PRIMPOL: variants seen among roughly 807,000 people sequenced by gnomAD.
The protein encoded by PRIMPOL is primase and DNA directed polymerase, also known as DNA-directed primase/polymerase protein.
In PRIMPOL, 54 loss-of-function variants were observed where a neutral mutation model predicts 63.6. The ratio of observed to expected loss-of-function variants is 0.85; its 90% CI spans 0.68 to 1.07. The LOEUF is 1.07. Among genes scored for constraint, PRIMPOL ranks in the 50% least tolerant of loss-of-function variants. The pLI is 0.00. For synonymous variants in PRIMPOL, 197 were observed against 220.2 expected (o/e 0.89, Z 0.93); for missense variants, 610 against 648.3 (o/e 0.94, Z 0.64).
chr4:184,690,617 G>A (rs960096624), intron 11 of PRIMPOL, among the ~76,000 whole-genome samples: 20 of 152,002 alleles, frequency 1.3e-4, no homozygotes, highest in African/African-American at 2.2e-4. Context: ...CCCCCACCAC[G>A]CCCAGCTAAT....
At chr4:184,673,215 C>T (rs1316642380) in intron 7 of PRIMPOL, among the ~76,000 whole-genome samples, 13 of 150,970 alleles carry the variant, frequency 8.6e-5, no homozygotes, top group South Asian at 4.2e-4. Flanking sequence ...CTGCAAGCTC[C>T]GCCTCCCGGG....
chr4:184,655,676 C>T (rs1746217616), intron 2 of PRIMPOL, among the ~76,000 whole-genome samples: 1 of 152,120 alleles, frequency 6.6e-6, no homozygotes, highest in Non-Finnish European at 1.5e-5. Flanking sequence ...TACTCATTTG[C>T]CAATGAGTTT....
chr4:184,661,997 A>T, intron 5 of PRIMPOL, 94 bp downstream of exon 5: 2 of 1,127,358 alleles, frequency 1.8e-6, no homozygotes, highest in Non-Finnish European at 2.5e-6. Context: ...TAGGTTCTGT[A>T]TCTCTTCTTT....
In PRIMPOL at chr4:184,687,280, G is replaced by A. The variant is rs1315009927; in HGVS notation, c.1295+1596G>A. 3.9e-5 allele frequency among the ~76,000 whole-genome samples: 6 copies of A among 152,038 alleles called. No homozygotes were observed. In the East Asian group the frequency reaches 5.8e-4, roughly 15 times the overall value. On this transcript the variant is annotated intron_variant, in intron 11 of 13. Transcript: ENST00000314970. The stretch of plus-strand genomic sequence containing the variant: ...GAGACGGAGTTTCACTATGTTGGCT[G>A]GGCTGGTCTCAAACTCCTGACCTCA...
chr4:184,654,270 C>A (rs948185457), intron 2 of PRIMPOL, among the ~76,000 whole-genome samples: 2 of 152,148 alleles, frequency 1.3e-5, no homozygotes, highest in African/African-American at 4.8e-5. Context: ...TATTTATTTT[C>A]TTCACTAATA....
intron 2 of PRIMPOL, among the ~76,000 whole-genome samples, chr4:184,654,555 A>G (rs1246828921): frequency 1.4e-5 from 2 of 143,920 alleles, no homozygotes; most frequent in African/African-American, 5.2e-5. Flanking sequence ...GGTTCACGCC[A>G]TTCTCCTGCC....
At chr4:184,671,077 A>T (rs990960330) in intron 6 of PRIMPOL, among the ~76,000 whole-genome samples, 2 of 152,204 alleles carry the variant, frequency 1.3e-5, no homozygotes, top group African/African-American at 4.8e-5. Flanking sequence ...TGGTGTAAAT[A>T]ATATGTCTGA....
intron 2 of PRIMPOL, among the ~76,000 whole-genome samples, chr4:184,652,307 C>T (rs1579248511): frequency 6.6e-6 from 1 of 152,054 alleles, no homozygotes; most frequent in East Asian, 1.9e-4. Context: ...ATCATTATCC[C>T]TGTGAAAAGT....
rs149408971 is a variant in PRIMPOL, at chr4:184,691,764, T to C, written c.1425+52T>C. On this transcript the variant is annotated intron_variant, in intron 13 of 13. Transcript: ENST00000314970. Reference sequence around the variant, plus strand: ...CCTTACCAGGGAGTTCTTGGTACAATAGTATACCTGAGCCATGAGTAGTGT... The same window carrying C: ...CCTTACCAGGGAGTTCTTGGTACAACAGTATACCTGAGCCATGAGTAGTGT... The C allele has an allele frequency of 2.7e-4, 368 of 1,382,314 alleles. No homozygotes were observed. The African/African-American group carries it at 4.4e-3, about 17-fold the overall frequency. The allele number at this position is 1,382,314 out of a possible 1,614,324, so 85.6% of individuals were successfully genotyped here.
chr4:184,694,119 T>C (rs1759850303), intron 13 of PRIMPOL: 2 of 562,240 alleles, frequency 3.6e-6, no homozygotes, highest in Non-Finnish European at 4.5e-6. Context: ...TTTCAATCCA[T>C]GTTTACGATT....
At chr4:184,667,477 A>C (rs1750333282) in intron 6 of PRIMPOL, among the ~76,000 whole-genome samples, 1 of 152,100 alleles carries the variant, frequency 6.6e-6, no homozygotes, top group East Asian at 1.9e-4. Flanking sequence ...TGCCCGGCTA[A>C]GTTTTTGTAT....
intron 6 of PRIMPOL, among the ~76,000 whole-genome samples, chr4:184,671,786 A>G (rs1579439030): frequency 7.7e-6 from 1 of 130,010 alleles, no homozygotes; most frequent in Non-Finnish European, 1.5e-5. Flanking sequence ...TCTGTCACCC[A>G]GGCTGGAGTG....
At position 184,652,261 on chromosome 4, in the gene PRIMPOL, C is replaced by T. The variant is rs529031033; in HGVS notation, c.-60+161C>T. Among the ~76,000 whole-genome samples the T allele has an allele frequency of 5.9e-5, 9 of 152,136 alleles. No individual in the cohort carries two copies. In the South Asian group the frequency reaches 1.5e-3, roughly 25 times the overall value. The stretch of plus-strand genomic sequence containing the variant: ...CTGGAGGGGAGTTTAGACTTCGTGA[C>T]GTTAGTTTACCTGTGTGAGTTGAAT... On this transcript the variant is annotated intron_variant, in intron 2 of 13. Coordinates refer to ENST00000314970, the MANE Select transcript of PRIMPOL (RefSeq NM_152683.4).
chr4:184,659,599 G>A (rs1372473029), intron 4 of PRIMPOL, among the ~76,000 whole-genome samples, 162 bp downstream of exon 4: 2 of 152,178 alleles, frequency 1.3e-5, no homozygotes, highest in African/African-American at 4.8e-5. Context: ...TCATAGCAAT[G>A]CTTGAGTATC....
chr4:184,661,272 T>A (rs1478706225), intron 4 of PRIMPOL, among the ~76,000 whole-genome samples: 11 of 152,348 alleles, frequency 7.2e-5, no homozygotes, highest in African/African-American at 2.6e-4. Flanking sequence ...GCATTTTGCT[T>A]GATGGAAACC....
At chr4:184,653,687 C>T (rs367847038) in intron 2 of PRIMPOL, among the ~76,000 whole-genome samples, 75 of 151,850 alleles carry the variant, frequency 4.9e-4, no homozygotes, top group African/African-American at 1.6e-3. Flanking sequence ...AGTTTTCCTT[C>T]GGAACTTGGA....
At chr4:184,694,375 G>T (rs1759970646) in intron 13 of PRIMPOL, 147 bp from the exon 14 acceptor site, 1 of 1,413,466 alleles carries the variant, frequency 7.1e-7, no homozygotes, top group African/African-American at 1.4e-5. Context: ...CCCACGGTGA[G>T]ATATCGGAGA....
At chr4:184,688,125 C>T (rs2696042) in intron 11 of PRIMPOL, among the ~76,000 whole-genome samples, 147,612 of 152,252 alleles carry the variant, frequency 0.97, 71,729 homozygotes, top group East Asian at 1. Context: ...TATTATAAAC[C>T]GTGAAGGTGG....
rs771478787 is a variant in PRIMPOL, at chr4:184,691,686, G to GTA, written c.1401_1402dup (p.Cys468TyrfsTer57). 92 of 1,612,494 alleles carry GTA rather than the reference G, an allele frequency of 5.7e-5. No homozygotes were observed. Among genetic ancestry groups the GTA allele is most frequent in the South Asian group, 5.1e-4 (46 of 91,050 alleles). On this transcript the variant is annotated frameshift_variant, in exon 13 of 14. Transcript: ENST00000314970. LOFTEE classifies it low-confidence loss of function (END_TRUNC). The stretch of plus-strand genomic sequence containing the variant: ...TTCAGGTTTCCCATTACCTGCTGAA[G>GTA]TATGTCTCCTGTTTCTTTTCAAAGA...
Sources: allele counts gnomAD v4.1 joint callset (sites outside exome capture counted in the v4.1 genomes callset), GRCh38; gene constraint gnomAD v4.1.1; transcripts MANE v1.5; gene names NCBI Gene and HGNC (gene_info 2026-07-23, HGNC 2026-07-21).